MARCHF1: variants seen among roughly 807,000 people sequenced by gnomAD.
The protein encoded by MARCHF1 is E3 ubiquitin-protein ligase MARCHF1.
A neutral mutation model predicts 54.2 loss-of-function variants in MARCHF1; 40 were observed. The ratio of observed to expected loss-of-function variants is 0.74; its 90% CI spans 0.57 to 0.96. The LOEUF is 0.96. Ranked by LOEUF, MARCHF1 falls within the 40% of genes least tolerant of loss-of-function variation. The probability of loss-of-function intolerance (pLI) is 0.00; values close to 1 mark genes in which losing one functional copy is unlikely to be tolerated. For missense variants in MARCHF1, 586 were observed against 656.5 expected (o/e 0.89, Z 1.17); for synonymous variants, 236 against 236.3 (o/e 1.00, Z 0.01).
chr4:163,623,435 T>C (rs1430122575), intron 5 of MARCHF1, among the ~76,000 whole-genome samples: 1 of 152,224 alleles, frequency 6.6e-6, no homozygotes, highest in East Asian at 1.9e-4. Context: ...CCAACTAATG[T>C]TATGGTGAAA....
intron 4 of MARCHF1, among the ~76,000 whole-genome samples, chr4:163,785,703 A>G (rs1561076514): frequency 6.6e-6 from 1 of 152,094 alleles, no homozygotes; most frequent in Non-Finnish European, 1.5e-5. Flanking sequence ...TCAAATGATT[A>G]AAAGTCACAG....
intron 5 of MARCHF1, among the ~76,000 whole-genome samples, chr4:163,698,343 T>C (rs566575596): frequency 2.6e-4 from 40 of 152,318 alleles, no homozygotes; most frequent in African/African-American, 9.1e-4. Context: ...CAATGAATAG[T>C]TTTCCACTTA....
chr4:164,373,315 A>G (rs1410976890), intron 1 of MARCHF1, among the ~76,000 whole-genome samples: 7 of 150,802 alleles, frequency 4.6e-5, no homozygotes, highest in Admixed American at 4.6e-4. Flanking sequence ...CTGCAGAGAA[A>G]CTGAATCTTC....
At chr4:164,127,614 G>A (rs1049207878) in intron 1 of MARCHF1, among the ~76,000 whole-genome samples, 2 of 152,108 alleles carry the variant, frequency 1.3e-5, no homozygotes, top group Non-Finnish European at 1.5e-5. Flanking sequence ...TTCAAGAATT[G>A]AAGATATATC....
intron 3 of MARCHF1, among the ~76,000 whole-genome samples, chr4:163,936,657 C>G (rs1751802412): frequency 6.6e-6 from 1 of 152,138 alleles, no homozygotes; most frequent in African/African-American, 2.4e-5. Context: ...TTTGGTATCT[C>G]TGTGTGTGCA....
chr4:163,562,247 A>C (rs1293633604), intron 8 of MARCHF1, among the ~76,000 whole-genome samples: 1 of 152,160 alleles, frequency 6.6e-6, no homozygotes, highest in Non-Finnish European at 1.5e-5. Flanking sequence ...CAGTGAGCAG[A>C]GATCGCGCCA....
At chr4:163,714,978 A>G (rs979072242) in intron 4 of MARCHF1, among the ~76,000 whole-genome samples, 1 of 152,174 alleles carries the variant, frequency 6.6e-6, no homozygotes, top group South Asian at 2.1e-4. Flanking sequence ...CACTGCACCC[A>G]GCCTATACAC....
At chr4:164,073,872 C>T (rs961291860) in intron 2 of MARCHF1, among the ~76,000 whole-genome samples, 10 of 151,912 alleles carry the variant, frequency 6.6e-5, no homozygotes, top group East Asian at 1.9e-4. Context: ...GGCGCAATTT[C>T]GGCTCACCGC....
chr4:163,730,333 C>A (rs1031271222), intron 4 of MARCHF1, among the ~76,000 whole-genome samples: 1 of 152,110 alleles, frequency 6.6e-6, no homozygotes, highest in African/African-American at 2.4e-5. Context: ...GCTCTTTGAA[C>A]ATCTTTAAGA....
At chr4:164,086,851 A>G (rs1755202706) in intron 2 of MARCHF1, among the ~76,000 whole-genome samples, 1 of 152,108 alleles carries the variant, frequency 6.6e-6, no homozygotes, top group Non-Finnish European at 1.5e-5. Flanking sequence ...GAGAGGAAGA[A>G]AACACCTGTC....
chr4:163,560,153 A>G (rs1050144729), intron 8 of MARCHF1, among the ~76,000 whole-genome samples: 2 of 152,192 alleles, frequency 1.3e-5, no homozygotes, highest in Non-Finnish European at 2.9e-5. Flanking sequence ...TACCTCACCC[A>G]AAGTCATAAA....
intron 5 of MARCHF1, among the ~76,000 whole-genome samples, chr4:163,664,090 A>G (rs1397549772): frequency 6.6e-6 from 1 of 152,122 alleles, no homozygotes; most frequent in East Asian, 1.9e-4. Context: ...AATGGAATCT[A>G]AAGGCACTTT....
intron 1 of MARCHF1, among the ~76,000 whole-genome samples, chr4:164,361,682 A>T (rs1461981193): frequency 6.6e-6 from 1 of 152,122 alleles, no homozygotes; most frequent in Non-Finnish European, 1.5e-5. Context: ...ATGAGAATTT[A>T]TTGTAGCGTA....
intron 1 of MARCHF1, among the ~76,000 whole-genome samples, chr4:164,300,975 C>T (rs949985624): frequency 5.3e-5 from 8 of 151,428 alleles, no homozygotes; most frequent in Non-Finnish European, 8.8e-5. Context: ...GGGGAAGAGA[C>T]GAAAATGCTG....
intron 3 of MARCHF1, among the ~76,000 whole-genome samples, chr4:163,904,723 T>C (rs1751018516): frequency 6.6e-6 from 1 of 150,874 alleles, no homozygotes; most frequent in South Asian, 2.1e-4. Context: ...CTTGAAGGAG[T>C]TTATATTTTA....
chr4:163,772,656 A>G (rs1747193523), intron 4 of MARCHF1, among the ~76,000 whole-genome samples: 1 of 152,170 alleles, frequency 6.6e-6, no homozygotes, highest in Non-Finnish European at 1.5e-5. Flanking sequence ...TAGTTCATTG[A>G]ATCCTTCTTA....
intron 5 of MARCHF1, among the ~76,000 whole-genome samples, chr4:163,626,782 C>G (rs1054941593): frequency 6.6e-6 from 1 of 151,980 alleles, no homozygotes. Flanking sequence ...AAAAAATTAG[C>G]CTGGCATGGT....
At position 164,015,900 on chromosome 4, in the gene MARCHF1, C is replaced by CAA. The variant is rs770216277; in HGVS notation, c.-247-27193_-247-27192dup. Among the ~76,000 whole-genome samples, 309 of 143,604 alleles carry CAA rather than the reference C, an allele frequency of 2.2e-3. 2 individuals are homozygous for CAA. The highest frequency in any genetic ancestry group is 6.1e-3 in the African/African-American group (231 of 38,018). 94.2% of individuals were successfully genotyped at this position (143,604 alleles called of 152,430 possible). On this transcript the variant is annotated intron_variant, in intron 2 of 9. Coordinates refer to ENST00000514618, the MANE Select transcript of MARCHF1 (RefSeq NM_001394959.1). The stretch of plus-strand genomic sequence containing the variant: ...CTATGGAAAACAGTATAAGTTTCCC[C>CAA]AAAAAAAAAAAAAACTAAAAACAGA...
At chr4:164,124,466 A>C (rs745801441) in intron 1 of MARCHF1, among the ~76,000 whole-genome samples, 2 of 152,198 alleles carry the variant, frequency 1.3e-5, no homozygotes, top group African/African-American at 2.4e-5. Context: ...TGTGGAAGAG[A>C]TATCTGCACT....
Sources: gnomAD v4.1 joint callset for allele counts (sites outside exome capture counted in the v4.1 genomes callset) on GRCh38, gnomAD v4.1.1 for gene constraint, MANE v1.5 for transcripts, NCBI Gene and HGNC (gene_info 2026-07-23, HGNC 2026-07-21) for gene names.